Variants in PLXNC1 observed in about 807,000 individuals in gnomAD.
PLXNC1 encodes plexin-C1.
Under a neutral mutation model 178.2 loss-of-function variants are expected in PLXNC1, and 75 were observed. The observed-to-expected ratio is 0.42, with a 90% CI of 0.35 to 0.51. The LOEUF (loss-of-function observed/expected upper bound fraction) is 0.51, where lower values mean the gene tolerates loss of function less well. PLXNC1 is among the 20% of genes least tolerant of loss of function. The pLI is 0.02. For synonymous variants in PLXNC1, 790 were observed against 779.9 expected (o/e 1.01, Z -0.22); for missense variants, 1,503 against 1,984.4 (o/e 0.76, Z 4.61).
At chr12:94,227,336 T>C in intron 9 of PLXNC1, 101 bp downstream of exon 9, 1 of 653,676 alleles carries the variant, frequency 1.5e-6, no homozygotes, top group East Asian at 2.7e-5. Context: ...TTCTCTATTT[T>C]ACTTTCTACC....
chr12:94,191,513 G>C (rs149034455), intron 4 of PLXNC1, among the ~76,000 whole-genome samples: 7 of 152,204 alleles, frequency 4.6e-5, no homozygotes, highest in African/African-American at 1.4e-4. Context: ...ACTGGGCATG[G>C]TGGCTCACGC....
chr12:94,271,697 C>T (rs1476951832), intron 21 of PLXNC1, among the ~76,000 whole-genome samples: 1 of 152,226 alleles, frequency 6.6e-6, no homozygotes, highest in Non-Finnish European at 1.5e-5. Context: ...AATACATGTA[C>T]CACGTCTAGC....
chr12:94,295,264 G>A (rs925996642), intron 24 of PLXNC1, among the ~76,000 whole-genome samples: 2 of 152,220 alleles, frequency 1.3e-5, no homozygotes, highest in African/African-American at 4.8e-5. Context: ...CATCTGGCCA[G>A]TGCAAACAGG....
intron 23 of PLXNC1, 56 bp downstream of exon 23, chr12:94,282,457 G>A: frequency 8.6e-7 from 1 of 1,163,090 alleles, no homozygotes; most frequent in South Asian, 1.3e-5. Context: ...CTAGTCCCAT[G>A]GACATTCTTT....
chr12:94,298,497 C>T, intron 26 of PLXNC1, 135 bp from the exon 27 acceptor site: 1 of 733,686 alleles, frequency 1.4e-6, no homozygotes, highest in Admixed American at 3.4e-5. Flanking sequence ...GACAATTTTA[C>T]ATTTTTCTCT....
At chr12:94,302,138 T>C (rs894915524) in intron 28 of PLXNC1, among the ~76,000 whole-genome samples, 1 of 152,196 alleles carries the variant, frequency 6.6e-6, no homozygotes, top group East Asian at 1.9e-4. Context: ...ATTGCAACTA[T>C]TTCCCATTAC....
At chr12:94,192,132 G>T (rs1415345835) in intron 4 of PLXNC1, among the ~76,000 whole-genome samples, 2 of 152,182 alleles carry the variant, frequency 1.3e-5, no homozygotes, top group Non-Finnish European at 2.9e-5. Flanking sequence ...TCCCAAGCCA[G>T]CCCATAAAAT....
intron 27 of PLXNC1, 42 bp downstream of exon 27, chr12:94,298,837 G>T (rs1968184651): frequency 6.4e-7 from 1 of 1,551,514 alleles, no homozygotes. Flanking sequence ...AAGAATCTGG[G>T]ACAGAATATT....
At chr12:94,294,453 G>A (rs746625667) in intron 23 of PLXNC1, 33 bp from the exon 24 acceptor site, 4 of 959,828 alleles carry the variant, frequency 4.2e-6, no homozygotes, top group African/African-American at 1.6e-5. Flanking sequence ...ATTAAATTTT[G>A]AACACTCATA....
intron 5 of PLXNC1, among the ~76,000 whole-genome samples, chr12:94,216,588 A>G (rs1306176118): frequency 6.6e-6 from 1 of 152,256 alleles, no homozygotes. Context: ...TTCAAAAGTC[A>G]TAAATATATT....
intron 4 of PLXNC1, among the ~76,000 whole-genome samples, chr12:94,196,511 A>G: frequency 6.6e-6 from 1 of 152,182 alleles, no homozygotes; most frequent in Non-Finnish European, 1.5e-5. Context: ...TGCTTCCTGT[A>G]CAGCCTGTAA....
At chr12:94,302,453 T>C (rs1968559624) in intron 28 of PLXNC1, among the ~76,000 whole-genome samples, 1 of 152,208 alleles carries the variant, frequency 6.6e-6, no homozygotes, top group African/African-American at 2.4e-5. Flanking sequence ...TATGCCTACT[T>C]TGTGAACTTT....
chr12:94,149,445 G>T lies in PLXNC1; in HGVS notation c.474G>T (p.Pro158=). 2 of 1,462,300 alleles carry T rather than the reference G, an allele frequency of 1.4e-6. No individual in the cohort carries two copies. The highest frequency in any genetic ancestry group is 2.9e-5 in the African/African-American group (2 of 68,792). 90.6% of individuals were successfully genotyped at this position (1,462,300 alleles called of 1,614,324 possible). ...GCACCGAGGTGGTGTCGTGCCACCC[G>T]CAGGGCTCGACGGCCGGCGTGGTGT... ...RNGTEVVSCH[P]QGSTAGVVYR... The change falls in exon 1 of 31, where the codon CCG becomes CCT. Residue 158 remains proline (P), a synonymous_variant. Transcript: ENST00000258526.
intron 2 of PLXNC1, among the ~76,000 whole-genome samples, chr12:94,179,740 CAAAAA>C (rs63329860): frequency 1.2e-5 from 1 of 80,310 alleles, no homozygotes; most frequent in Non-Finnish European, 2.5e-5. Context: ...GACTCCATCT[CAAAAA>C]AAAAAAAAAA....
At chr12:94,212,989 G>C (rs143108102) in intron 5 of PLXNC1, among the ~76,000 whole-genome samples, 1,718 of 152,282 alleles carry the variant, frequency 0.011, 34 homozygotes, top group African/African-American at 0.039. Context: ...AAAGTGCTGG[G>C]ATTACAGGCG....
chr12:94,220,306 TG>T, intron 6 of PLXNC1, 143 bp downstream of exon 6: 1 of 718,088 alleles, frequency 1.4e-6, no homozygotes, highest in South Asian at 1.8e-5. Flanking sequence ...ACTTTTGCTC[TG>T]GGTCCTCCTC....
chr12:94,212,644 A>C (rs1190059852), intron 5 of PLXNC1, among the ~76,000 whole-genome samples: 1 of 152,164 alleles, frequency 6.6e-6, no homozygotes. Flanking sequence ...GTCCCTGCAA[A>C]GGACATGAAC....
At chr12:94,181,927 C>T (rs969652505) in intron 3 of PLXNC1, among the ~76,000 whole-genome samples, 1 of 151,976 alleles carries the variant, frequency 6.6e-6, no homozygotes, top group Non-Finnish European at 1.5e-5. Flanking sequence ...TATGAATATA[C>T]CCAATGGGAC....
chr12:94,189,242 T>G (rs1263483384), intron 4 of PLXNC1, among the ~76,000 whole-genome samples: 1 of 152,002 alleles, frequency 6.6e-6, no homozygotes, highest in Non-Finnish European at 1.5e-5. Context: ...TGAGGGAGCA[T>G]GTAAGGAATG....
Sources: allele counts gnomAD v4.1 joint callset (sites outside exome capture counted in the v4.1 genomes callset), GRCh38; gene constraint gnomAD v4.1.1; transcripts MANE v1.5; gene names NCBI Gene and HGNC (gene_info 2026-07-23, HGNC 2026-07-21).